RELCH: variants seen among roughly 807,000 people sequenced by gnomAD.
The protein encoded by RELCH is RAB11-binding protein RELCH.
A neutral mutation model predicts 150.3 loss-of-function variants in RELCH; 41 were observed. The ratio of observed to expected loss-of-function variants is 0.27; its 90% CI spans 0.21 to 0.35. The LOEUF (loss-of-function observed/expected upper bound fraction) is 0.35. Among genes scored for constraint, RELCH ranks in the 10% least tolerant of loss-of-function variants. RELCH has a pLI of 1.00. For missense variants in RELCH, 1,092 were observed against 1,467.8 expected (o/e 0.74, Z 4.18); for synonymous variants, 478 against 531.8 (o/e 0.90, Z 1.39).
chr18:62,207,356 A>G (rs1313118096), intron 1 of RELCH, among the ~76,000 whole-genome samples: 1 of 152,222 alleles, frequency 6.6e-6, no homozygotes, highest in African/African-American at 2.4e-5. Flanking sequence ...GCTGAATAAC[A>G]TTCTATTGTA....
chr18:62,252,073 G>A (rs554648087), intron 11 of RELCH, among the ~76,000 whole-genome samples: 9 of 151,860 alleles, frequency 5.9e-5, no homozygotes, highest in South Asian at 2.1e-4. Flanking sequence ...TAGGCTCACC[G>A]CAACCTCCGC....
intron 1 of RELCH, among the ~76,000 whole-genome samples, chr18:62,208,608 G>T (rs2039964383): frequency 6.6e-6 from 1 of 152,034 alleles, no homozygotes; most frequent in South Asian, 2.1e-4. Flanking sequence ...TGTCACTCAG[G>T]TACTAAGCCT....
At chr18:62,254,371 CT>C (rs1247340781) in intron 12 of RELCH, among the ~76,000 whole-genome samples, 2 of 151,904 alleles carry the variant, frequency 1.3e-5, no homozygotes, top group Non-Finnish European at 2.9e-5. Context: ...TGTAAATAGA[CT>C]TTTTTCTTAA....
At chr18:62,211,936 G>C (rs541363081) in intron 2 of RELCH, among the ~76,000 whole-genome samples, 14 of 152,088 alleles carry the variant, frequency 9.2e-5, no homozygotes, top group Non-Finnish European at 1.6e-4. Context: ...GGTTAAAGAG[G>C]GTTAATGATT....
At chr18:62,238,024 G>GT (rs1306491016) in intron 10 of RELCH, among the ~76,000 whole-genome samples, 1 of 151,642 alleles carries the variant, frequency 6.6e-6, no homozygotes, top group Non-Finnish European at 1.5e-5. Flanking sequence ...GATGCAATTG[G>GT]TTGTAACAGT....
chr18:62,244,752 G>T lies in RELCH; in HGVS notation c.1621-12G>T, dbSNP rs759978018. 6.4e-7 allele frequency: 1 copy of T among 1,553,110 alleles called. No individual in the cohort carries two copies. The highest frequency in any genetic ancestry group is 8.9e-7 in the Non-Finnish European group (1 of 1,125,562). Reference sequence around the variant, plus strand: ...TTTTTATTTGAATTTTTCCACCCTCGTATTTCTTTAGGAGTTGATCCCCCT... The same window carrying T: ...TTTTTATTTGAATTTTTCCACCCTCTTATTTCTTTAGGAGTTGATCCCCCT... On this transcript the variant is annotated splice_polypyrimidine_tract_variant and intron_variant, in intron 10 of 28. Coordinates refer to ENST00000644646, the MANE Select transcript of RELCH (RefSeq NM_001346231.2).
chr18:62,280,599 G>T (rs182117869), intron 23 of RELCH, 47 bp from the exon 24 acceptor site: 1 of 1,428,860 alleles, frequency 7.0e-7, no homozygotes, highest in Admixed American at 1.7e-5. Context: ...AATAATACTC[G>T]TTGTTCATCT....
rs371637571 is a variant in RELCH at position 62,187,960 on chromosome 18, T to A, written c.455T>A (p.Val152Asp). ...GTPPGMGAPG[V>D]PGAAGVGGAG... ...CCGCCGGGGATGGGGGCGCCAGGGGTCCCTGGAGCAGCCGGCGTTGGGGGC... is the reference window on the plus strand; with the variant it reads ...CCGCCGGGGATGGGGGCGCCAGGGGACCCTGGAGCAGCCGGCGTTGGGGGC... The change falls in exon 1 of 29, where the codon GTC becomes GAC. Residue 152 changes from valine (V) to aspartate (D), a missense_variant. Around this residue, in one of 4 missense-constraint regions of RELCH, gnomAD observed 190 missense variants for 276.2 expected, o/e 0.69. Coordinates refer to ENST00000644646, the MANE Select transcript of RELCH (RefSeq NM_001346231.2). 6 of 1,599,244 alleles carry A rather than the reference T, an allele frequency of 3.8e-6. No individual in the cohort carries two copies. In the East Asian group the frequency reaches 1.1e-4, roughly 30 times the overall value.
intron 17 of RELCH, 100 bp downstream of exon 17, chr18:62,264,245 G>A (rs140679776): frequency 3.2e-5 from 31 of 958,018 alleles, no homozygotes; most frequent in Non-Finnish European, 3.4e-5. Flanking sequence ...AATGTAACTC[G>A]GCATCATTTT....
rs554443481 is a variant in RELCH at position 62,226,591 on chromosome 18, A to G, written c.859-698A>G. ...TATAAATAATAGGTACAATTTATGT[A>G]CTGAGACTTCCTTAATCTAAACATG... On this transcript the variant is annotated intron_variant, in intron 5 of 28. Transcript: ENST00000644646. Among the ~76,000 whole-genome samples, 11 of 152,244 alleles carry G rather than the reference A, an allele frequency of 7.2e-5. No individual in the cohort carries two copies. The South Asian group carries it at 2.3e-3, about 32-fold the overall frequency.
Position 62,309,787 on chromosome 18 carries a change from C to T in RELCH, c.*4253C>T, listed in dbSNP as rs1050236975. ...TCCACCATATTTATTTCAGTTAGAT[C>T]ATTGCATGAATAGATTTCTGGAGGG... On this transcript the variant is annotated 3_prime_UTR_variant, in exon 29 of 29. Coordinates refer to ENST00000644646, the MANE Select transcript of RELCH (RefSeq NM_001346231.2). The T allele has an allele frequency of 2.6e-5, 4 of 152,082 alleles. No homozygotes were observed. Among genetic ancestry groups the T allele is most frequent in the Non-Finnish European group, 4.4e-5 (3 of 68,020 alleles). The allele number at this position is 152,082 out of a possible 1,614,324, so 9.4% of individuals were successfully genotyped here. A position where few individuals can be genotyped will look rare whatever the true frequency, so the allele number is the denominator to read the frequency against.
At chr18:62,257,652 T>C (rs996284888) in intron 13 of RELCH, among the ~76,000 whole-genome samples, 4 of 151,888 alleles carry the variant, frequency 2.6e-5, no homozygotes, top group Admixed American at 6.6e-5. Flanking sequence ...AGTAAAGATA[T>C]AAAAAACATG....
chr18:62,279,113 A>C (rs1406031771), intron 22 of RELCH, among the ~76,000 whole-genome samples: 1 of 152,166 alleles, frequency 6.6e-6, no homozygotes, highest in East Asian at 1.9e-4. Context: ...CTTGCGTTTC[A>C]AGAGGTTATG....
intron 13 of RELCH, among the ~76,000 whole-genome samples, chr18:62,255,869 G>T (rs1039485791): frequency 2.0e-5 from 3 of 152,044 alleles, no homozygotes; most frequent in African/African-American, 7.2e-5. Context: ...CAAAAATGCT[G>T]CTGCATTAGC....
chr18:62,246,188 AG>A (rs1450762391), intron 11 of RELCH: 2 of 152,216 alleles, frequency 1.3e-5, no homozygotes, highest in Non-Finnish European at 2.9e-5. Flanking sequence ...TAAAACATTG[AG>A]GTGCAGTTTT....
intron 10 of RELCH, among the ~76,000 whole-genome samples, chr18:62,238,682 A>C (rs1194524863): frequency 6.6e-6 from 1 of 151,946 alleles, no homozygotes; most frequent in Non-Finnish European, 1.5e-5. Context: ...GGAGAGACTT[A>C]ATGGAGACCA....
Position 62,257,937 on chromosome 18 carries a change from T to C in RELCH, c.1897-11T>C. 1 of 1,582,832 alleles carries C rather than the reference T, an allele frequency of 6.3e-7. No homozygotes were observed. The highest frequency in any genetic ancestry group is 8.6e-7 in the Non-Finnish European group (1 of 1,165,740). The stretch of plus-strand genomic sequence containing the variant: ...GGTGTAAATAAATAGTAAAAACATG[T>C]TTATTTTCAGAAAGAAATCCGTAGC... On this transcript the variant is annotated splice_polypyrimidine_tract_variant and intron_variant, in intron 13 of 28. Coordinates refer to ENST00000644646, the MANE Select transcript of RELCH (RefSeq NM_001346231.2).
chr18:62,221,302 T>C (rs1568334901), intron 4 of RELCH, 28 bp downstream of exon 4: 2 of 1,576,528 alleles, frequency 1.3e-6, no homozygotes, highest in Non-Finnish European at 8.7e-7. Flanking sequence ...AATGTAAAAT[T>C]AATCTTCCAC....
intron 21 of RELCH, among the ~76,000 whole-genome samples, chr18:62,274,629 C>A (rs895743678): frequency 6.6e-6 from 1 of 152,200 alleles, no homozygotes; most frequent in Admixed American, 6.5e-5. Flanking sequence ...TCTACAACAA[C>A]CATGTGACAT....
Sources: gnomAD v4.1 joint callset for allele counts (sites outside exome capture counted in the v4.1 genomes callset) on GRCh38, gnomAD v4.1.1 for gene constraint, gnomAD v4.1.1 regional missense constraint, MANE v1.5 for transcripts, NCBI Gene and HGNC (gene_info 2026-07-23, HGNC 2026-07-21) for gene names.